The following LRP6 variants were observed in gnomAD, a reference collection of about 807,000 sequenced individuals.
The protein encoded by LRP6 is low-density lipoprotein receptor-related protein 6.
Under a neutral mutation model 184.1 loss-of-function variants are expected in LRP6, and 43 were observed. That is an observed-to-expected ratio of 0.23 (90% CI 0.18 to 0.30). LRP6 has a LOEUF of 0.30. Among genes scored for constraint, LRP6 ranks in the 10% least tolerant of loss-of-function variants. LRP6 has a pLI of 1.00. For synonymous variants in LRP6, 719 were observed against 684.9 expected, an observed-to-expected ratio of 1.05 and a Z score of -0.78; for missense variants, 1,571 against 2,005.3, an observed-to-expected ratio of 0.78 and a Z score of 4.14.
Position 12,162,202 on chromosome 12 carries a change from G to T in LRP6, c.2270C>A (p.Pro757His), listed in dbSNP as rs1482894020. Residue 757 changes from proline (P) to histidine (H), a missense_variant, in exon 10 of 23, where the codon CCT (proline) becomes CAT (histidine). By Grantham distance (77) the Pro-to-His change is moderately conservative (BLOSUM62 -2). This residue lies in a region of LRP6 where 158 missense variants were observed against 258.4 expected (regional missense o/e 0.61). Coordinates refer to ENST00000261349, the MANE Select transcript of LRP6 (RefSeq NM_002336.3). ...ATGTAAAGCTGTTTACCCTTCGGCA[G>T]GGTCCAACGCGAGAGCTCTGGGACT... is the stretch of plus-strand genomic sequence containing the variant. The part of the protein sequence containing the change: ...LDSPRALALD[P>H]AEGFMYWTEW... 1 of 1,613,946 alleles carries T rather than the reference G, an allele frequency of 6.2e-7. No individual in the cohort carries two copies. Among genetic ancestry groups the T allele is most frequent in the African/African-American group, 1.3e-5 (1 of 74,916 alleles).
At chr12:12,158,779 A>G in intron 12 of LRP6, 50 bp downstream of exon 12, 1 of 1,572,748 alleles carries the variant, frequency 6.4e-7, no homozygotes, top group Non-Finnish European at 8.7e-7. Context: ...GTACTTTGAA[A>G]ATGCTGCTTT....
At chr12:12,198,222 T>A (rs2137030314) in intron 3 of LRP6, among the ~76,000 whole-genome samples, 1 of 152,308 alleles carries the variant, frequency 6.6e-6, no homozygotes, top group East Asian at 1.9e-4. Flanking sequence ...CAGTCACAAA[T>A]CTTCTTGTAA....
At position 12,132,039 on chromosome 12, in the gene LRP6, G is replaced by A. The variant is rs1949767970; in HGVS notation, c.3752C>T (p.Pro1251Leu). ...CCCCGTGAAACAAGTAAACTGCTGA[G>A]GAGAACATGTTGGAGGTTCTTCAAA... The part of the protein sequence containing the change: ...LSCGEPPTCS[P>L]QQFTCFTGEI... Residue 1251 changes from proline (P) to leucine (L), a missense_variant, in exon 18 of 23, where the codon CCT becomes CTT. Pro to Leu is a moderately conservative substitution (Grantham distance 98). Around this residue, in one of 4 missense-constraint regions of LRP6, gnomAD observed 763 missense variants for 859.5 expected, o/e 0.89. Coordinates refer to ENST00000261349, the MANE Select transcript of LRP6 (RefSeq NM_002336.3). The A allele has an allele frequency of 6.2e-7, 1 of 1,613,802 alleles. No individual in the cohort carries two copies. Among genetic ancestry groups the A allele is most frequent in the Non-Finnish European group, 8.5e-7 (1 of 1,179,708 alleles).
At chr12:12,163,559 A>T (rs1039379672) in intron 9 of LRP6, among the ~76,000 whole-genome samples, 2 of 152,232 alleles carry the variant, frequency 1.3e-5, no homozygotes, top group African/African-American at 4.8e-5. Flanking sequence ...TAGGAAGAAG[A>T]AAATAAAGAA....
intron 15 of LRP6, chr12:12,138,885 T>C (rs763324113): frequency 7.3e-7 from 1 of 1,372,738 alleles, no homozygotes; most frequent in East Asian, 4.5e-5. Flanking sequence ...CCCAGAGTTC[T>C]GAGTATACCT....
intron 16 of LRP6, 61 bp from the exon 17 acceptor site, chr12:12,135,361 A>C (rs1949822139): frequency 4.2e-6 from 5 of 1,201,490 alleles, no homozygotes; most frequent in Non-Finnish European, 4.9e-6. Context: ...GAGAAGTGGG[A>C]GAGAAGAGAA....
intron 1 of LRP6, among the ~76,000 whole-genome samples, chr12:12,259,298 G>A (rs1477196210): frequency 3.3e-5 from 5 of 150,002 alleles, no homozygotes; most frequent in African/African-American, 9.8e-5. Context: ...TGCTGGTCAT[G>A]TTATTTTTAT....
Position 12,147,514 on chromosome 12 carries a change from A to C in LRP6, c.3249T>G (p.Ile1083Met). ...CTGTCCCATCCAAAGCAGCCCGTTC[A>C]ATTTTAGGAGACCTTTCCTGAAGAT... ...FTNLQERSPK[I>M]ERAALDGTER... Residue 1083 changes from isoleucine to methionine, a missense_variant, in exon 15 of 23, where the codon ATT becomes ATG. By Grantham distance (10) the Ile-to-Met change is conservative. This residue lies in a region of LRP6 where 763 missense variants were observed against 859.5 expected (regional missense o/e 0.89). Transcript: ENST00000261349. 1.2e-6 allele frequency: 2 copies of C among 1,614,108 alleles called. No homozygotes were observed. The highest frequency in any genetic ancestry group is 1.7e-6 in the Non-Finnish European group (2 of 1,180,002).
At chr12:12,147,644 G>T (rs764207611) in intron 14 of LRP6, 88 bp from the exon 15 acceptor site, 2 of 1,061,738 alleles carry the variant, frequency 1.9e-6, no homozygotes, top group African/African-American at 1.6e-5. Flanking sequence ...TGGAGGTAGA[G>T]TATTTTTAAG....
At chr12:12,198,849 T>C (rs1863840388) in intron 3 of LRP6, among the ~76,000 whole-genome samples, 1 of 152,118 alleles carries the variant, frequency 6.6e-6, no homozygotes, top group Non-Finnish European at 1.5e-5. Context: ...TCTTATGTTA[T>C]CCTTTCACAT....
chr12:12,137,209 T>C (rs1341490428), intron 16 of LRP6, among the ~76,000 whole-genome samples: 2 of 152,194 alleles, frequency 1.3e-5, no homozygotes, highest in Admixed American at 1.3e-4. Context: ...ATTTCAATAA[T>C]TGTCTCTCTC....
intron 21 of LRP6, 35 bp downstream of exon 21, chr12:12,125,261 T>C (rs373000877): frequency 3.2e-5 from 52 of 1,611,522 alleles, no homozygotes; most frequent in African/African-American, 1.5e-4. Context: ...TAAGATCTTA[T>C]GTATGTCGCA....
At chr12:12,245,588 C>A (rs937116392) in intron 1 of LRP6, among the ~76,000 whole-genome samples, 1 of 152,058 alleles carries the variant, frequency 6.6e-6, no homozygotes, top group Non-Finnish European at 1.5e-5. Context: ...ATCAATTATA[C>A]CTTAATAAAA....
rs147196039 is a variant in LRP6 at position 12,195,327 on chromosome 12, A to G, written c.647+7876T>C. Among the ~76,000 whole-genome samples the G allele has an allele frequency of 9.6e-3, 1,462 of 152,248 alleles. 18 individuals are homozygous for G. The highest frequency in any genetic ancestry group is 0.02 in the Middle Eastern group (6 of 294). On this transcript the variant is annotated intron_variant, in intron 3 of 22. Coordinates refer to ENST00000261349, the MANE Select transcript of LRP6 (RefSeq NM_002336.3). ...TTTATACTCCCACCAACAGTGTATA[A>G]GAGTTCCCTTTTCTGTGCATTCTTG...
chr12:12,198,356 A>G (rs1353550287), intron 3 of LRP6, among the ~76,000 whole-genome samples: 3 of 151,816 alleles, frequency 2.0e-5, no homozygotes, highest in Non-Finnish European at 2.9e-5. Context: ...ATTTTCTCTC[A>G]AATCATCTTT....
chr12:12,245,996 C>CTTTTTTTTTTTTTTTTTTTTTTTTTTT (rs71061029), intron 1 of LRP6, among the ~76,000 whole-genome samples: 1 of 90,186 alleles, frequency 1.1e-5, no homozygotes, highest in Non-Finnish European at 2.1e-5. Context: ...TTTATATAAA[C>CTTTTTTTTTTTTTTTTTTTTTTTTTTT]TTTTTTTTTT....
chr12:12,190,423 C>G (rs74061127), intron 3 of LRP6, among the ~76,000 whole-genome samples: 1 of 152,126 alleles, frequency 6.6e-6, no homozygotes, highest in Non-Finnish European at 1.5e-5. Flanking sequence ...GAGACTCCCC[C>G]CAACCTCACT....
intron 3 of LRP6, among the ~76,000 whole-genome samples, chr12:12,190,260 T>C (rs1565623939): frequency 6.6e-6 from 1 of 152,170 alleles, no homozygotes; most frequent in Non-Finnish European, 1.5e-5. Context: ...GATCCCCATC[T>C]GGAAACACAA....
Position 12,121,183 on chromosome 12 carries a change from C to T in LRP6, c.4785G>A (p.Arg1595=), listed in dbSNP as rs1287912075. The change falls in exon 23 of 23, where the codon AGG becomes AGA. Residue 1595 remains arginine (R), a synonymous_variant. Transcript: ENST00000261349. The stretch of plus-strand genomic sequence containing the variant: ...GTGGGTAGAGGTGATGAGAATAGCT[C>T]CTCTCTGTGTATGGAGAAGGTGGGC... ...ESCPPSPYTE[R]SYSHHLYPPP... is the part of the protein sequence containing the mutation. The T allele has an allele frequency of 6.2e-7, 1 of 1,613,966 alleles. No homozygotes were observed. The highest frequency in any genetic ancestry group is 8.5e-7 in the Non-Finnish European group (1 of 1,179,994).
Sources: gnomAD v4.1 joint callset for allele counts (sites outside exome capture counted in the v4.1 genomes callset) on GRCh38, gnomAD v4.1.1 for gene constraint, gnomAD v4.1.1 regional missense constraint, MANE v1.5 for transcripts, NCBI Gene and HGNC (gene_info 2026-07-23, HGNC 2026-07-21) for gene names.